Variants in INPP5B observed in about 807,000 individuals in gnomAD.
INPP5B encodes inositol polyphosphate-5-phosphatase B.
A neutral mutation model predicts 118.5 loss-of-function variants in INPP5B; 90 were observed. That is an observed-to-expected ratio of 0.76 (90% CI 0.64 to 0.90). The LOEUF (loss-of-function observed/expected upper bound fraction) is 0.90. Among genes scored for constraint, INPP5B ranks in the 40% least tolerant of loss-of-function variants. The pLI is 0.00. For missense variants in INPP5B, 984 were observed against 1,125.6 expected, an observed-to-expected ratio of 0.87 and a Z score of 1.80; for synonymous variants, 385 against 418.9, an observed-to-expected ratio of 0.92 and a Z score of 0.99.
rs763776051 is a variant in INPP5B, at chr1:37,886,920, C to T, written c.1099G>A (p.Glu367Lys). 8 of 1,614,042 alleles carry T rather than the reference C, an allele frequency of 5.0e-6. No homozygotes were observed. The highest frequency in any genetic ancestry group is 2.2e-5 in the East Asian group (1 of 44,890). Residue 367 changes from glutamate (E) to lysine (K), a missense_variant, in exon 12 of 24, where the codon GAG (glutamate) becomes AAG (lysine). Around this residue, in one of 2 missense-constraint regions of INPP5B, gnomAD observed 634 missense variants for 791.0 expected, o/e 0.80. Transcript: ENST00000373024. ...CCCATGATTCCTGTCCCCACAGTCT[C>T]GGCTTCCACTTCTGAGATATAAGCT... is the stretch of plus-strand genomic sequence containing the variant. ...HAAYISEVEA[E>K]TVGTGIMGRM...
At chr1:37,874,297 G>T in intron 17 of INPP5B, 142 bp from the exon 18 acceptor site, 2 of 551,966 alleles carry the variant, frequency 3.6e-6, no homozygotes, top group South Asian at 5.6e-5. Context: ...CTACCTGGGA[G>T]GCCACAGTTC....
chr1:37,873,928 T>C (rs1035507044), intron 18 of INPP5B, 65 bp downstream of exon 18: 3 of 1,280,792 alleles, frequency 2.3e-6, no homozygotes, highest in Non-Finnish European at 3.1e-6. Flanking sequence ...TTTAGGAAAA[T>C]GAGCAAATAT....
Position 37,940,754 on chromosome 1 carries a change from C to CGAG in INPP5B, c.322_324dup (p.Leu108dup). The CGAG allele has an allele frequency of 6.2e-7, 1 of 1,614,012 alleles. No individual in the cohort carries two copies. On this transcript the variant is annotated inframe_insertion, in exon 6 of 24. Transcript: ENST00000373024. Reference sequence around the variant, plus strand: ...TGTGAACCAAAGGGCAGTTGGAATACGAGGCTAAGCTCTGCTGTGTCCAGC... The same window carrying CGAG: ...TGTGAACCAAAGGGCAGTTGGAATACGAGGAGGCTAAGCTCTGCTGTGTCCAGC...
intron 13 of INPP5B, chr1:37,883,949 A>C: frequency 4.7e-6 from 3 of 644,910 alleles, no homozygotes; most frequent in Non-Finnish European, 5.8e-6. Flanking sequence ...AGTTGTAGAG[A>C]TAAATGAGAT....
At chr1:37,883,200 T>G in intron 13 of INPP5B, 1 of 985,362 alleles carries the variant, frequency 1.0e-6, no homozygotes, top group Non-Finnish European at 1.2e-6. Flanking sequence ...ATCTAAAAGA[T>G]AGTAATTTAC....
chr1:37,863,446 C>T (rs1380675793), intron 23 of INPP5B, among the ~76,000 whole-genome samples: 1 of 152,010 alleles, frequency 6.6e-6, no homozygotes, highest in Non-Finnish European at 1.5e-5. Context: ...ACCCGGGTGG[C>T]GGAGGATGCA....
At chr1:37,896,649 C>T (rs1172636908) in intron 7 of INPP5B, among the ~76,000 whole-genome samples, 5 of 136,224 alleles carry the variant, frequency 3.7e-5, no homozygotes, top group African/African-American at 8.3e-5. Flanking sequence ...AGGTGAGGGG[C>T]GCCTCTGCCC....
Position 37,883,348 on chromosome 1 carries a change from T to G in INPP5B, c.1320-430A>C, listed in dbSNP as rs1337674891. 5 of 985,340 alleles carry G rather than the reference T, an allele frequency of 5.1e-6. No individual in the cohort carries two copies. The African/African-American group carries it at 8.7e-5, about 17-fold the overall frequency. 61.0% of individuals were successfully genotyped at this position (985,340 alleles called of 1,614,324 possible). On this transcript the variant is annotated intron_variant, in intron 13 of 23. Coordinates refer to ENST00000373024, the MANE Select transcript of INPP5B (RefSeq NM_005540.3). Reference sequence around the variant, plus strand: ...ACCCACAAAACACACTCTCAGCCTTTGTTTCTAGAGCAGAGTTCCTCTGAA... The same window carrying G: ...ACCCACAAAACACACTCTCAGCCTTGGTTTCTAGAGCAGAGTTCCTCTGAA...
Position 37,874,156 on chromosome 1 carries a change from C to T in INPP5B, c.1789-1G>A. 5 of 1,559,042 alleles carry T rather than the reference C, an allele frequency of 3.2e-6. No individual in the cohort carries two copies. Among genetic ancestry groups the T allele is most frequent in the Non-Finnish European group, 4.4e-6 (5 of 1,139,722 alleles). On this transcript the variant is annotated splice_acceptor_variant, in intron 17 of 23. Coordinates refer to ENST00000373024, the MANE Select transcript of INPP5B (RefSeq NM_005540.3). LOFTEE classifies it high-confidence loss of function. Reference sequence around the variant, plus strand: ...TGTACTTCACATTCTGAAAACAGAACTGGGAAGAAGCCCGGGGCCAGTGAA... The same window carrying T: ...TGTACTTCACATTCTGAAAACAGAATTGGGAAGAAGCCCGGGGCCAGTGAA...
intron 12 of INPP5B, among the ~76,000 whole-genome samples, chr1:37,886,611 T>A (rs181480666): frequency 6.6e-6 from 1 of 152,288 alleles, no homozygotes. Context: ...CCCAGCATAG[T>A]TTCTGCAACA....
Position 37,862,146 on chromosome 1 carries a change from C to T in INPP5B, c.*169G>A, listed in dbSNP as rs913776716. On this transcript the variant is annotated 3_prime_UTR_variant, in exon 24 of 24. Coordinates refer to ENST00000373024, the MANE Select transcript of INPP5B (RefSeq NM_005540.3). ...TCTCCCGTGTCTTCACGACTCACAG[C>T]GCTGAGTGTGCTAACCAATGGTGGG... 5 of 581,640 alleles carry T rather than the reference C, an allele frequency of 8.6e-6. No individual in the cohort carries two copies. The highest frequency in any genetic ancestry group is 1.9e-5 in the African/African-American group (1 of 53,552). 36.0% of individuals were successfully genotyped at this position (581,640 alleles called of 1,614,324 possible). A position where few individuals can be genotyped will look rare whatever the true frequency, so the allele number is the denominator to read the frequency against.
chr1:37,868,626 T>A lies in INPP5B; in HGVS notation c.2188-12A>T, dbSNP rs1458755606. ...ACTGGCATCAGAGTCTGGAAAGCAA[T>A]CAAGATCATGACAGAACTTCTGCCA... On this transcript the variant is annotated splice_polypyrimidine_tract_variant and intron_variant, in intron 19 of 23. Coordinates refer to ENST00000373024, the MANE Select transcript of INPP5B (RefSeq NM_005540.3). 1.3e-6 allele frequency: 2 copies of A among 1,564,674 alleles called. No individual in the cohort carries two copies. The highest frequency in any genetic ancestry group is 1.8e-6 in the Non-Finnish European group (2 of 1,135,196).
chr1:37,865,544 G>C (rs1269073354), intron 22 of INPP5B, among the ~76,000 whole-genome samples: 1 of 152,162 alleles, frequency 6.6e-6, no homozygotes, highest in African/African-American at 2.4e-5. Context: ...CAAGGAGAGG[G>C]TGGAGTCAGA....
intron 7 of INPP5B, chr1:37,931,365 C>A: frequency 7.7e-7 from 1 of 1,291,018 alleles, no homozygotes; most frequent in Non-Finnish European, 1.0e-6. Flanking sequence ...TCAGATGGAG[C>A]AACAGGCCCA....
chr1:37,888,474 C>T lies in INPP5B; in HGVS notation c.798-130G>A, dbSNP rs933536271. On this transcript the variant is annotated intron_variant, in intron 9 of 23. Coordinates refer to ENST00000373024, the MANE Select transcript of INPP5B (RefSeq NM_005540.3). Reference sequence around the variant, plus strand: ...TTTTGAGACATAAGAAATGTCATTTCTAACCTAGACCAGGACTGCAGCACC... The same window carrying T: ...TTTTGAGACATAAGAAATGTCATTTTTAACCTAGACCAGGACTGCAGCACC... The T allele has an allele frequency of 7.8e-6, 4 of 514,384 alleles. No homozygotes were observed. The East Asian group carries it at 1.4e-4, about 17-fold the overall frequency. 31.9% of individuals were successfully genotyped at this position (514,384 alleles called of 1,614,324 possible).
At chr1:37,896,111 C>T (rs202136800) in intron 7 of INPP5B, among the ~76,000 whole-genome samples, 2,888 of 151,072 alleles carry the variant, frequency 0.019, 74 homozygotes, top group Admixed American at 0.11. Flanking sequence ...AAGTGAGGAG[C>T]GTCTCTGCCC....
chr1:37,930,750 T>C (rs2148661144), intron 7 of INPP5B: 1 of 152,368 alleles, frequency 6.6e-6, no homozygotes, highest in East Asian at 1.9e-4. Context: ...CAAACTCTTG[T>C]GCAACATGCC....
intron 7 of INPP5B, among the ~76,000 whole-genome samples, chr1:37,920,742 G>A (rs1329137801): frequency 3.3e-5 from 5 of 151,286 alleles, no homozygotes; most frequent in Admixed American, 3.3e-4. Flanking sequence ...TTTCGACTCC[G>A]CCAATGACCA....
intron 6 of INPP5B, among the ~76,000 whole-genome samples, chr1:37,937,283 C>T (rs1005746281): frequency 2.0e-5 from 3 of 151,938 alleles, no homozygotes; most frequent in Non-Finnish European, 4.4e-5. Flanking sequence ...TGCACTCCAG[C>T]CTGGGCAACA....
Sources: allele counts gnomAD v4.1 joint callset (sites outside exome capture counted in the v4.1 genomes callset), GRCh38; gene constraint gnomAD v4.1.1; regional missense constraint gnomAD v4.1.1; transcripts MANE v1.5; gene names NCBI Gene and HGNC (gene_info 2026-07-23, HGNC 2026-07-21).